Variants in ROBO2 observed in about 807,000 individuals in gnomAD.
ROBO2 encodes roundabout guidance receptor 2, also known as roundabout homolog 2.
ROBO2 carries 53 observed loss-of-function variants against 160.8 expected under a neutral mutation model. The observed-to-expected ratio is 0.33, with a 90% CI of 0.26 to 0.41. The LOEUF (loss-of-function observed/expected upper bound fraction) is 0.41. Ranked by LOEUF, ROBO2 falls within the 10% of genes least tolerant of loss-of-function variation. The pLI, the probability that ROBO2 is intolerant of heterozygous loss-of-function variation, is 1.00. For synonymous variants in ROBO2, 664 were observed against 611.7 expected, an observed-to-expected ratio of 1.09 and a Z score of -1.26; for missense variants, 1,577 against 1,722.4, an observed-to-expected ratio of 0.92 and a Z score of 1.49.
intron 2 of ROBO2, among the ~76,000 whole-genome samples, chr3:77,109,916 T>A (rs2073342521): frequency 6.6e-6 from 1 of 152,202 alleles, no homozygotes; most frequent in African/African-American, 2.4e-5. Context: ...TATTCAATTG[T>A]ATAAATACAA....
chr3:77,128,313 C>T (rs372725697), intron 2 of ROBO2, among the ~76,000 whole-genome samples: 18 of 152,172 alleles, frequency 1.2e-4, no homozygotes, highest in East Asian at 5.8e-4. Flanking sequence ...TTTCTAGGGG[C>T]GCTATCCTCT....
intron 2 of ROBO2, among the ~76,000 whole-genome samples, chr3:77,217,357 A>T (rs957854737): frequency 6.6e-5 from 10 of 151,998 alleles, no homozygotes; most frequent in African/African-American, 1.4e-4. Flanking sequence ...TGGCTAGGCT[A>T]GTCTCAAACT....
chr3:76,145,055 T>C (rs144930939), intron 2 of ROBO2, among the ~76,000 whole-genome samples: 211 of 152,050 alleles, frequency 1.4e-3, no homozygotes, highest in African/African-American at 3.5e-3. Context: ...GTCATGCAAT[T>C]CCTGTGGTAG....
At chr3:76,506,020 A>T (rs565930652) in intron 2 of ROBO2, among the ~76,000 whole-genome samples, 1 of 152,318 alleles carries the variant, frequency 6.6e-6, no homozygotes, top group South Asian at 2.1e-4. Context: ...ACTGCAAAAA[A>T]TAGAGATACT....
At chr3:76,805,016 A>G (rs934145158) in intron 2 of ROBO2, among the ~76,000 whole-genome samples, 4 of 152,108 alleles carry the variant, frequency 2.6e-5, no homozygotes, top group African/African-American at 7.2e-5. Context: ...TTTTGTGATA[A>G]TCCCAAAATA....
intron 2 of ROBO2, among the ~76,000 whole-genome samples, chr3:77,312,151 A>G (rs543969767): frequency 6.6e-6 from 1 of 152,292 alleles, no homozygotes; most frequent in African/African-American, 2.4e-5. Context: ...TCTTGAGCAT[A>G]TATATGTGAC....
intron 24 of ROBO2, 22 bp downstream of exon 26, chr3:77,642,965 G>A (rs527716739): frequency 6.6e-6 from 3 of 455,488 alleles, no homozygotes; most frequent in South Asian, 3.1e-5. Flanking sequence ...ACAGTCCCAA[G>A]AAAGTGTGGA....
chr3:77,300,083 T>C (rs28664809), intron 2 of ROBO2, among the ~76,000 whole-genome samples: 46,670 of 151,878 alleles, frequency 0.31, 8,597 homozygotes, highest in Middle Eastern at 0.46. Flanking sequence ...GGTCCATAAA[T>C]GCAAATTTTG....
At chr3:76,290,442 T>C (rs1275238861) in intron 2 of ROBO2, among the ~76,000 whole-genome samples, 1 of 152,146 alleles carries the variant, frequency 6.6e-6, no homozygotes, top group Non-Finnish European at 1.5e-5. Flanking sequence ...ATTTTCTAGG[T>C]ATAGAATCAT....
chr3:76,948,029 T>C (rs1311002728), intron 2 of ROBO2, among the ~76,000 whole-genome samples: 1 of 152,200 alleles, frequency 6.6e-6, no homozygotes, highest in Non-Finnish European at 1.5e-5. Context: ...TTAGAATTTC[T>C]TTTAGTGAGA....
intron 2 of ROBO2, among the ~76,000 whole-genome samples, chr3:76,028,839 AAAAG>A (rs2066827696): frequency 6.6e-6 from 1 of 151,992 alleles, no homozygotes. Flanking sequence ...TTTACATAAA[AAAAG>A]GCCTGGGTTA....
At chr3:76,058,458 T>C (rs1029882765) in intron 2 of ROBO2, among the ~76,000 whole-genome samples, 7 of 152,172 alleles carry the variant, frequency 4.6e-5, no homozygotes, top group Non-Finnish European at 1.0e-4. Flanking sequence ...AAATGTAATA[T>C]TGCCTTTTGC....
At chr3:77,558,192 A>T in intron 9 of ROBO2, 43 bp downstream of exon 10, 1 of 1,505,440 alleles carries the variant, frequency 6.6e-7, no homozygotes, top group Non-Finnish European at 9.2e-7. Context: ...ATCTACACAT[A>T]AGTACTGCTC....
intron 24 of ROBO2, among the ~76,000 whole-genome samples, chr3:77,642,123 A>G (rs1008176700): frequency 2.0e-5 from 3 of 152,194 alleles, no homozygotes; most frequent in African/African-American, 7.2e-5. Context: ...CAGAATATTA[A>G]TTGCATTTAA....
At chr3:76,141,159 C>CTA (rs55778369) in intron 2 of ROBO2, among the ~76,000 whole-genome samples, 166 of 9,160 alleles carry the variant, frequency 0.018, 6 homozygotes, top group South Asian at 0.02. Context: ...CTCTCTCTCT[C>CTA]TATATATATA....
intron 2 of ROBO2, among the ~76,000 whole-genome samples, chr3:77,391,554 T>C (rs753551421): frequency 6.6e-6 from 1 of 151,874 alleles, no homozygotes; most frequent in Non-Finnish European, 1.5e-5. Flanking sequence ...CCATCAGACA[T>C]GGTTTTATAG....
intron 2 of ROBO2, among the ~76,000 whole-genome samples, chr3:77,428,128 A>G (rs1156929894): frequency 6.6e-6 from 1 of 152,122 alleles, no homozygotes; most frequent in African/African-American, 2.4e-5. Flanking sequence ...AAATTTTTGA[A>G]ATTTTTATGC....
intron 2 of ROBO2, among the ~76,000 whole-genome samples, chr3:76,191,482 C>T (rs1357672441): frequency 8.0e-6 from 1 of 125,326 alleles, no homozygotes. Context: ...ACAACTCAGA[C>T]ATCCCGTTAT....
intron 5 of ROBO2, among the ~76,000 whole-genome samples, chr3:77,501,333 T>G (rs2087574919): frequency 6.6e-6 from 1 of 152,278 alleles, no homozygotes; most frequent in South Asian, 2.1e-4. Flanking sequence ...TTTAATTAAT[T>G]ATATTAACAC....
Sources: allele counts gnomAD v4.1 joint callset (sites outside exome capture counted in the v4.1 genomes callset), GRCh38; gene constraint gnomAD v4.1.1; transcripts MANE v1.5; gene names NCBI Gene and HGNC (gene_info 2026-07-23, HGNC 2026-07-21).